The following LDB2 variants were observed in gnomAD, a reference collection of about 807,000 sequenced individuals.
The protein encoded by LDB2 is LIM domain-binding protein 2.
Under a neutral mutation model 44.3 loss-of-function variants are expected in LDB2, and 12 were observed. That is an observed-to-expected ratio of 0.27 (90% CI 0.17 to 0.44). LDB2 has a LOEUF of 0.44. Ranked by LOEUF, LDB2 falls within the 20% of genes least tolerant of loss-of-function variation. The pLI, the probability that LDB2 is intolerant of heterozygous loss-of-function variation, is 1.00. For synonymous variants in LDB2, 164 were observed against 174.8 expected (o/e 0.94, Z 0.49); for missense variants, 344 against 473.5 (o/e 0.73, Z 2.54).
intron 1 of LDB2, among the ~76,000 whole-genome samples, chr4:16,824,301 G>T (rs1291939654): frequency 6.6e-6 from 1 of 152,134 alleles, no homozygotes; most frequent in African/African-American, 2.4e-5. Flanking sequence ...CTAGCTTTTA[G>T]ACTTAGAAGT....
chr4:16,515,139 C>T (rs1170633167), intron 5 of LDB2, among the ~76,000 whole-genome samples: 1 of 152,182 alleles, frequency 6.6e-6, no homozygotes, highest in Admixed American at 6.5e-5. Flanking sequence ...TTTGTAGTAA[C>T]ATGGATGCAG....
chr4:16,709,259 T>A (rs1460067973), intron 2 of LDB2, among the ~76,000 whole-genome samples: 1 of 152,192 alleles, frequency 6.6e-6, no homozygotes, highest in African/African-American at 2.4e-5. Context: ...GTAGAAATGG[T>A]GATAACACAA....
At chr4:16,538,663 C>T (rs992186930) in intron 5 of LDB2, among the ~76,000 whole-genome samples, 3 of 152,158 alleles carry the variant, frequency 2.0e-5, no homozygotes, top group Non-Finnish European at 4.4e-5. Context: ...AGATAATCTT[C>T]CCCCAAAGTC....
chr4:16,616,972 T>C (rs985547144), intron 2 of LDB2, among the ~76,000 whole-genome samples: 2 of 152,170 alleles, frequency 1.3e-5, no homozygotes, highest in African/African-American at 4.8e-5. Context: ...TCAATTATCC[T>C]ACTCTTTATC....
chr4:16,609,770 C>G (rs1354957588), intron 2 of LDB2, among the ~76,000 whole-genome samples: 1 of 152,176 alleles, frequency 6.6e-6, no homozygotes, highest in Non-Finnish European at 1.5e-5. Flanking sequence ...GACTTAGCCT[C>G]TCCTCCTAGT....
chr4:16,761,572 C>G (rs887088585), intron 1 of LDB2, among the ~76,000 whole-genome samples: 3 of 152,216 alleles, frequency 2.0e-5, no homozygotes, highest in Admixed American at 1.3e-4. Flanking sequence ...ATTCTACCTT[C>G]CCCAGCCTGT....
At chr4:16,762,355 A>G (rs1369529732) in intron 1 of LDB2, among the ~76,000 whole-genome samples, 1 of 152,206 alleles carries the variant, frequency 6.6e-6, no homozygotes, top group Non-Finnish European at 1.5e-5. Flanking sequence ...TTTGCTCATT[A>G]TTCAGAGGCC....
intron 1 of LDB2, among the ~76,000 whole-genome samples, chr4:16,782,432 C>T (rs553228656): frequency 6.6e-6 from 1 of 151,498 alleles, no homozygotes; most frequent in African/African-American, 2.4e-5. Context: ...TTCACTAAAA[C>T]CTCCACCTCC....
chr4:16,736,826 T>A (rs1318115565), intron 2 of LDB2, among the ~76,000 whole-genome samples: 3 of 152,178 alleles, frequency 2.0e-5, no homozygotes, highest in Admixed American at 2.0e-4. Flanking sequence ...CATAAAAAGA[T>A]TTAATACCAA....
chr4:16,799,768 T>C (rs7658839), intron 1 of LDB2, among the ~76,000 whole-genome samples: 1,584 of 152,284 alleles, frequency 0.01, 27 homozygotes, highest in African/African-American at 0.035. Context: ...GTTTACCAGA[T>C]GAAATACAGG....
chr4:16,737,160 T>A (rs1762066121), intron 2 of LDB2, among the ~76,000 whole-genome samples: 1 of 152,186 alleles, frequency 6.6e-6, no homozygotes, highest in Non-Finnish European at 1.5e-5. Context: ...GAATCAAAAT[T>A]TGACCATGTC....
At chr4:16,523,389 T>G (rs1345817751) in intron 5 of LDB2, among the ~76,000 whole-genome samples, 1 of 152,222 alleles carries the variant, frequency 6.6e-6, no homozygotes, top group African/African-American at 2.4e-5. Context: ...TTCAGGACTC[T>G]TTTTCTTCAT....
chr4:16,835,320 G>A (rs1784720170), intron 1 of LDB2, among the ~76,000 whole-genome samples: 1 of 152,174 alleles, frequency 6.6e-6, no homozygotes, highest in African/African-American at 2.4e-5. Flanking sequence ...GTAGCCCAAT[G>A]TTGCGGTCAA....
chr4:16,524,737 C>T (rs1311173886), intron 5 of LDB2, among the ~76,000 whole-genome samples: 1 of 152,144 alleles, frequency 6.6e-6, no homozygotes, highest in Non-Finnish European at 1.5e-5. Context: ...CTCTTTCATC[C>T]GTGTTTCCTG....
At chr4:16,781,215 TAA>T (rs1202482360) in intron 1 of LDB2, among the ~76,000 whole-genome samples, 1 of 152,068 alleles carries the variant, frequency 6.6e-6, no homozygotes, top group Non-Finnish European at 1.5e-5. Context: ...GGCTGAGGCA[TAA>T]GAGTGGGCAG....
chr4:16,624,443 T>C (rs1187269977), intron 2 of LDB2, among the ~76,000 whole-genome samples: 1 of 152,124 alleles, frequency 6.6e-6, no homozygotes, highest in Non-Finnish European at 1.5e-5. Context: ...AAATAAAAAA[T>C]ATATAAAATG....
rs1427082591 is a variant in LDB2, at chr4:16,674,355, AAAGAT to A, written c.236-78485_236-78481del. 3.9e-6 allele frequency: 4 copies of A among 1,027,510 alleles called. No individual in the cohort carries two copies. In the African/African-American group the frequency reaches 5.0e-5, roughly 13 times the overall value. 63.6% of individuals were successfully genotyped at this position (1,027,510 alleles called of 1,614,324 possible). A position where few individuals can be genotyped will look rare whatever the true frequency, so the allele number is the denominator to read the frequency against. ...ACAGTGCTCTTTGTCTCTGAGATGCAAAGATAAGAGCAGTTGCCCTGGAGGCGGTG... is the reference window on the plus strand; with the variant it reads ...ACAGTGCTCTTTGTCTCTGAGATGCAAAGAGCAGTTGCCCTGGAGGCGGTG... On this transcript the variant is annotated intron_variant, in intron 2 of 7. Coordinates refer to ENST00000304523, the MANE Select transcript of LDB2 (RefSeq NM_001290.5).
At chr4:16,746,492 T>C (rs912689603) in intron 2 of LDB2, among the ~76,000 whole-genome samples, 4 of 151,936 alleles carry the variant, frequency 2.6e-5, no homozygotes, top group African/African-American at 9.7e-5. Context: ...ACTTTAAAAA[T>C]GGGAAAATAG....
At chr4:16,790,667 CA>C (rs1775517616) in intron 1 of LDB2, among the ~76,000 whole-genome samples, 1 of 152,128 alleles carries the variant, frequency 6.6e-6, no homozygotes, top group African/African-American at 2.4e-5. Context: ...ACGGAGCTAA[CA>C]TATTATTTCC....
Sources: gnomAD v4.1 joint callset for allele counts (sites outside exome capture counted in the v4.1 genomes callset) on GRCh38, gnomAD v4.1.1 for gene constraint, MANE v1.5 for transcripts, NCBI Gene and HGNC (gene_info 2026-07-23, HGNC 2026-07-21) for gene names.